KRT71: variants seen among roughly 807,000 people sequenced by gnomAD.
KRT71 encodes keratin 71.
Under a neutral mutation model 46.2 loss-of-function variants are expected in KRT71, and 42 were observed. That is an observed-to-expected ratio of 0.91 (90% confidence interval 0.71 to 1.18). KRT71 has a LOEUF of 1.18. Ranked by LOEUF, KRT71 falls within the 50% of genes most tolerant of loss-of-function variation. The probability of loss-of-function intolerance (pLI) is 0.00; values close to 1 mark genes in which losing one functional copy is unlikely to be tolerated. For missense variants in KRT71, 708 were observed against 677.9 expected, an observed-to-expected ratio of 1.04 and a Z score of -0.49; for synonymous variants, 292 against 277.8, an observed-to-expected ratio of 1.05 and a Z score of -0.51.
chr12:52,548,610 G>C, intron 4 of KRT71, 91 bp downstream of exon 4: 1 of 1,159,894 alleles, frequency 8.6e-7, no homozygotes, highest in Admixed American at 1.8e-5. Context: ...GTCTCACTGA[G>C]GGCTGGGGCC....
intron 6 of KRT71, among the ~76,000 whole-genome samples, chr12:52,546,999 C>G (rs1057041504): frequency 6.6e-6 from 1 of 152,178 alleles, no homozygotes; most frequent in Non-Finnish European, 1.5e-5. Flanking sequence ...CTGTACATAC[C>G]ATTGACATAA....
In KRT71 at chr12:52,545,592, C is replaced by G; in HGVS notation, c.1333G>C (p.Gly445Arg). Residue 445 changes from glycine to arginine, a missense_variant, in exon 8 of 9, where the codon GGA (glycine) becomes CGA (arginine). Gly to Arg is a moderately radical substitution (Grantham distance 125). Transcript: ENST00000267119. ...LLESEECRMSGEFPSPVSISI... is the reference protein window; with the variant it reads ...LLESEECRMSREFPSPVSISI... ...ATGCTGACAGGGGAGGGAAATTCTC[C>G]TGACATCCTATTAAGGAGAGAAATA... 6.5e-7 allele frequency: 1 copy of G among 1,544,200 alleles called. No individual in the cohort carries two copies.
intron 8 of KRT71, 56 bp from the exon 9 acceptor site, chr12:52,544,799 T>A: frequency 6.9e-7 from 1 of 1,454,820 alleles, no homozygotes; most frequent in Non-Finnish European, 9.4e-7. Flanking sequence ...GGAGGCCTCC[T>A]TTTCCCCAGG....
In KRT71 at chr12:52,548,269, C is replaced by CA. The variant is rs780219146; in HGVS notation, c.860dup (p.Ser288ValfsTer15). 2 of 1,614,086 alleles carry CA rather than the reference C, an allele frequency of 1.2e-6. No individual in the cohort carries two copies. Among genetic ancestry groups the CA allele is most frequent in the Admixed American group, 3.3e-5 (2 of 60,024 alleles). On this transcript the variant is annotated frameshift_variant, in exon 5 of 9. Transcript: ENST00000267119. LOFTEE classifies it high-confidence loss of function. The stretch of plus-strand genomic sequence containing the variant: ...CTAGGTTCCGGTTGTTGTCCATGGA[C>CA]AGGATGACAGACATGTCACTGATGT...
chr12:52,548,905 C>T lies in KRT71; in HGVS notation c.718-109G>A, dbSNP rs1939109229. The T allele has an allele frequency of 6.1e-6, 6 of 984,046 alleles. No individual in the cohort carries two copies. In the Admixed American group the frequency reaches 7.4e-5, roughly 12 times the overall value. 61.0% of individuals were successfully genotyped at this position (984,046 alleles called of 1,614,324 possible). A position where few individuals can be genotyped will look rare whatever the true frequency, so the allele number is the denominator to read the frequency against. ...AGAAGGAGTCACTCTCTTCTCTTCACTTTGCCTTGGGAAAGGAGACAAAGG... is the reference window on the plus strand; with the variant it reads ...AGAAGGAGTCACTCTCTTCTCTTCATTTTGCCTTGGGAAAGGAGACAAAGG... On this transcript the variant is annotated intron_variant, in intron 3 of 8. Coordinates refer to ENST00000267119, the MANE Select transcript of KRT71 (RefSeq NM_033448.3).
In KRT71 at chr12:52,548,326, A is replaced by G. The variant is rs1314118830; in HGVS notation, c.814-10T>C. On this transcript the variant is annotated splice_polypyrimidine_tract_variant and intron_variant, in intron 4 of 8. Transcript: ENST00000267119. ...GGATCTGAGTGATCTCCTGCAGGGG[A>G]CACAGAAATGGTCTCTCGGCTCAAC... 4 of 1,602,440 alleles carry G rather than the reference A, an allele frequency of 2.5e-6. No individual in the cohort carries two copies. The highest frequency in any genetic ancestry group is 3.4e-6 in the Non-Finnish European group (4 of 1,173,708).
chr12:52,545,462 C>T (rs369296601), intron 8 of KRT71, 103 bp downstream of exon 8: 7 of 698,334 alleles, frequency 1.0e-5, no homozygotes, highest in East Asian at 5.7e-5. Flanking sequence ...AAGCTTTTCC[C>T]TCTCTGGTTC....
chr12:52,548,279 G>A lies in KRT71; in HGVS notation c.851C>T (p.Ser284Phe). 6.2e-7 allele frequency: 1 copy of A among 1,613,972 alleles called. No homozygotes were observed. The highest frequency in any genetic ancestry group is 8.5e-7 in the Non-Finnish European group (1 of 1,179,870). ...TQIQSHISDM[S>F]VILSMDNNRN... ...GTTGTTGTCCATGGACAGGATGACA[G>A]ACATGTCACTGATGTGGGACTGGAT... is the stretch of plus-strand genomic sequence containing the variant. Residue 284 changes from serine to phenylalanine, a missense_variant, in exon 5 of 9, where the codon TCT becomes TTT. Coordinates refer to ENST00000267119, the MANE Select transcript of KRT71 (RefSeq NM_033448.3).
chr12:52,548,045 A>G (rs192564665), intron 5 of KRT71, 63 bp from the exon 6 acceptor site: 1 of 1,606,040 alleles, frequency 6.2e-7, no homozygotes, highest in East Asian at 2.2e-5. Context: ...TTGGGATCAG[A>G]ACACAACAGA....
At chr12:52,550,764 C>T (rs1448439916) in intron 1 of KRT71, among the ~76,000 whole-genome samples, 1 of 152,232 alleles carries the variant, frequency 6.6e-6, no homozygotes, top group Non-Finnish European at 1.5e-5. Flanking sequence ...GAACCATCTT[C>T]TCTGCAACAA....
Position 52,552,692 on chromosome 12 carries a change from TG to T in KRT71, c.385del (p.Gln129ArgfsTer9). The T allele has an allele frequency of 6.2e-7, 1 of 1,613,832 alleles. No homozygotes were observed. The highest frequency in any genetic ancestry group is 8.5e-7 in the Non-Finnish European group (1 of 1,179,824). ...CAGAGCCTTGATCTGCTCTCGCTCC[TG>T]GGCACGCACTTTCTGGATCTCGGGG... ...LDPEIQKVRAQEREQIKALNN... is the reference protein window; with the variant it reads ...LDPEIQKVRAXEREQIKALNN... On this transcript the variant is annotated frameshift_variant, in exon 1 of 9. Transcript: ENST00000267119. LOFTEE classifies it high-confidence loss of function.
chr12:52,547,562 G>A lies in KRT71; in HGVS notation c.1104+295C>T, dbSNP rs554112994. Among the ~76,000 whole-genome samples, 3 of 152,350 alleles carry A rather than the reference G, an allele frequency of 2.0e-5. No homozygotes were observed. The South Asian group carries it at 6.2e-4, about 32-fold the overall frequency. ...GTGGCAGTGTCAGTAATAACAGGAA[G>A]TGTGACAAATACAGGGAAGCACAGG... On this transcript the variant is annotated intron_variant, in intron 6 of 8. Transcript: ENST00000267119.
At chr12:52,548,921 G>C (rs1047731257) in intron 3 of KRT71, 125 bp from the exon 4 acceptor site, 4 of 828,218 alleles carry the variant, frequency 4.8e-6, no homozygotes, top group Non-Finnish European at 5.9e-6. Flanking sequence ...CTTGGGAAAG[G>C]AGACAAAGGA....
rs368014301 is a variant in KRT71, at chr12:52,550,293, C to T, written c.442-50G>A. 89 of 1,602,788 alleles carry T rather than the reference C, an allele frequency of 5.6e-5. No individual in the cohort carries two copies. In the African/African-American group the frequency reaches 8.0e-4, roughly 14 times the overall value. ...CTGAACCCTTGCAGTAATAGTCACA[C>T]GTGTCTCTCACAGGGCATTGTGTAA... On this transcript the variant is annotated intron_variant, in intron 1 of 8. Coordinates refer to ENST00000267119, the MANE Select transcript of KRT71 (RefSeq NM_033448.3).
intron 8 of KRT71, among the ~76,000 whole-genome samples, chr12:52,544,996 C>T (rs1161903103): frequency 6.6e-6 from 1 of 152,182 alleles, no homozygotes; most frequent in Non-Finnish European, 1.5e-5. Context: ...GGTACCAATA[C>T]CCCTACCTGT....
rs773576212 is a variant in KRT71 at position 52,544,555 on chromosome 12, G to A, written c.1549C>T (p.Pro517Ser). Reference sequence around the variant, plus strand: ...CTCTACCGACTGGTTTTCTTGGAGGGTGCACTCAGGCTGGAACCCTTCCCT... The same window carrying A: ...CTCTACCGACTGGTTTTCTTGGAGGATGCACTCAGGCTGGAACCCTTCCCT... ...TLGKGSSLSA[P>S]SKKTSR Residue 517 changes from proline (P) to serine (S), a missense_variant, in exon 9 of 9, where the codon CCC (proline) becomes TCC (serine). By Grantham distance (74) the Pro-to-Ser change is moderately conservative. Coordinates refer to ENST00000267119, the MANE Select transcript of KRT71 (RefSeq NM_033448.3). The A allele has an allele frequency of 6.2e-7, 1 of 1,614,092 alleles. No homozygotes were observed. Among genetic ancestry groups the A allele is most frequent in the Non-Finnish European group, 8.5e-7 (1 of 1,179,984 alleles).
chr12:52,552,501 T>C, intron 1 of KRT71, 136 bp downstream of exon 1: 3 of 872,742 alleles, frequency 3.4e-6, no homozygotes, highest in Non-Finnish European at 5.3e-6. Flanking sequence ...ACCCTGTTGA[T>C]GGGATGTACC....
Position 52,548,299 on chromosome 12 carries a change from C to A in KRT71, c.831G>T (p.Gln277His). The change falls in exon 5 of 9, where the codon CAG becomes CAT. Residue 277 changes from glutamine to histidine, a missense_variant. Coordinates refer to ENST00000267119, the MANE Select transcript of KRT71 (RefSeq NM_033448.3). ...CLFEAEITQI[Q>H]SHISDMSVIL... ...TGACAGACATGTCACTGATGTGGGA[C>A]TGGATCTGAGTGATCTCCTGCAGGG... 1 of 1,612,720 alleles carries A rather than the reference C, an allele frequency of 6.2e-7. No individual in the cohort carries two copies. Among genetic ancestry groups the A allele is most frequent in the Non-Finnish European group, 8.5e-7 (1 of 1,179,208 alleles).
chr12:52,550,198 C>T lies in KRT71; in HGVS notation c.487G>A (p.Glu163Lys). 2.5e-6 allele frequency: 4 copies of T among 1,614,194 alleles called. No individual in the cohort carries two copies. Among genetic ancestry groups the T allele is most frequent in the Non-Finnish European group, 3.4e-6 (4 of 1,180,028 alleles). Residue 163 changes from glutamate (E) to lysine (K), a missense_variant, in exon 2 of 9, where the codon GAG becomes AAG. Glu to Lys is a moderately conservative substitution (Grantham distance 56, BLOSUM62 1). Transcript: ENST00000267119. ...QQNQVLETKW[E>K]LLQQLDLNNC... ...TTCAGGTCCAGCTGCTGCAGCAGCT[C>T]CCACTTGGTCTCCAGTACCTGGTTC...
Sources: gnomAD v4.1 joint callset for allele counts (sites outside exome capture counted in the v4.1 genomes callset) on GRCh38, gnomAD v4.1.1 for gene constraint, MANE v1.5 for transcripts, NCBI Gene and HGNC (gene_info 2026-07-23, HGNC 2026-07-21) for gene names.